Variants in LRRFIP1 observed in about 807,000 individuals in gnomAD.
LRRFIP1 encodes LRR binding FLII interacting protein 1, also known as leucine-rich repeat flightless-interacting protein 1.
Under a neutral mutation model 104.4 loss-of-function variants are expected in LRRFIP1, and 62 were observed. The observed-to-expected ratio is 0.59, with a 90% CI of 0.48 to 0.73. The LOEUF (loss-of-function observed/expected upper bound fraction) is 0.73. Ranked by LOEUF, LRRFIP1 falls within the 30% of genes least tolerant of loss-of-function variation. LRRFIP1 has a pLI of 0.00. For synonymous variants in LRRFIP1, 300 were observed against 299.0 expected (o/e 1.00, Z -0.03); for missense variants, 796 against 824.5 (o/e 0.97, Z 0.42).
chr2:237,762,693 CAGAG>C, intron 19 of LRRFIP1: 2 of 1,614,180 alleles, frequency 1.2e-6, no homozygotes, highest in Non-Finnish European at 1.7e-6. Context: ...GAACAACACA[CAGAG>C]GACACAGTGA....
chr2:237,713,789 G>C (rs867838189), intron 2 of LRRFIP1, among the ~76,000 whole-genome samples: 9 of 152,168 alleles, frequency 5.9e-5, no homozygotes, highest in Admixed American at 2.6e-4. Context: ...ACTCCATTTA[G>C]CTGGAATTTT....
intron 22 of LRRFIP1, among the ~76,000 whole-genome samples, chr2:237,773,208 C>T (rs560055460): frequency 3.9e-5 from 6 of 152,136 alleles, no homozygotes; most frequent in Admixed American, 6.5e-5. Flanking sequence ...GCTAATGTGG[C>T]TTGGGAGTGT....
At chr2:237,632,315 T>G (rs2082492086) in intron 1 of LRRFIP1, among the ~76,000 whole-genome samples, 1 of 152,206 alleles carries the variant, frequency 6.6e-6, no homozygotes. Context: ...CAGGCTTGTT[T>G]CAAGATGCAA....
chr2:237,767,194 GAAAA>G (rs1324056854), intron 19 of LRRFIP1, among the ~76,000 whole-genome samples: 1 of 151,876 alleles, frequency 6.6e-6, no homozygotes, highest in Non-Finnish European at 1.5e-5. Flanking sequence ...AGAAAGAAAA[GAAAA>G]AGAAAGTTGA....
intron 1 of LRRFIP1, among the ~76,000 whole-genome samples, chr2:237,630,429 C>T (rs947350615): frequency 7.9e-5 from 12 of 152,126 alleles, no homozygotes; most frequent in African/African-American, 2.9e-4. Context: ...GACCTGCCTG[C>T]CCTCCAGGAG....
At chr2:237,709,855 ATT>A (rs112212389) in intron 2 of LRRFIP1, among the ~76,000 whole-genome samples, 8 of 144,600 alleles carry the variant, frequency 5.5e-5, no homozygotes, top group South Asian at 4.4e-4. Flanking sequence ...TATATGTATA[ATT>A]TTTTTTTTTT....
intron 1 of LRRFIP1, among the ~76,000 whole-genome samples, chr2:237,704,461 C>T (rs962797720): frequency 2.0e-5 from 3 of 152,132 alleles, no homozygotes; most frequent in African/African-American, 7.2e-5. Flanking sequence ...GCCAACTCTA[C>T]GGATTTTCTC....
rs777027844 is a variant in LRRFIP1, at chr2:237,703,661, G to T, written c.97-4883G>T. ...GGGTTGGGTCAAGTTCTCCAGAGCA[G>T]CCCCCGCCCCTGCCACACGTTTCTT... On this transcript the variant is annotated intron_variant, in intron 1 of 23. Transcript: ENST00000308482. This position sits in a 1 kb window ranked among gnomAD's most constrained non-coding sequence, Gnocchi z 4.3. 3.3e-5 allele frequency among the ~76,000 whole-genome samples: 5 copies of T among 151,880 alleles called. No homozygotes were observed. Among genetic ancestry groups the T allele is most frequent in the African/African-American group, 1.2e-4 (5 of 41,274 alleles).
intron 1 of LRRFIP1, among the ~76,000 whole-genome samples, chr2:237,641,298 G>A (rs1396659133): frequency 6.6e-6 from 1 of 151,710 alleles, no homozygotes; most frequent in East Asian, 1.9e-4. Context: ...AGTCACCTGA[G>A]GTTAGGAGTT....
intron 16 of LRRFIP1, 60 bp from the exon 17 acceptor site, chr2:237,757,396 G>A: frequency 8.9e-7 from 1 of 1,127,326 alleles, no homozygotes. Context: ...TTCTCTCTCG[G>A]GCTGGGGTTT....
intron 6 of LRRFIP1, chr2:237,721,287 C>T (rs112250859): frequency 0.02 from 3,258 of 160,478 alleles, 58 homozygotes; most frequent in Middle Eastern, 0.033. Context: ...CTGCTGAAAA[C>T]CTGGACCAGG....
chr2:237,678,342 G>A (rs992261892), intron 1 of LRRFIP1, among the ~76,000 whole-genome samples: 3 of 152,160 alleles, frequency 2.0e-5, no homozygotes, highest in Non-Finnish European at 4.4e-5. Context: ...CCTGCAGCAG[G>A]GGGTACACAG....
Position 237,757,566 on chromosome 2 carries a change from T to G in LRRFIP1, c.1224+18T>G, listed in dbSNP as rs904096244. 6.5e-7 allele frequency: 1 copy of G among 1,535,186 alleles called. No individual in the cohort carries two copies. The highest frequency in any genetic ancestry group is 8.9e-7 in the Non-Finnish European group (1 of 1,128,758). On this transcript the variant is annotated intron_variant, in intron 17 of 23. Coordinates refer to ENST00000308482, the MANE Select transcript of LRRFIP1 (RefSeq NM_001137550.2). ...AGATAGGGGTAGGATTCCCAAGTCT[T>G]GAAAATCTACTCAAATGGGCAGCCT... is the stretch of plus-strand genomic sequence containing the variant.
At chr2:237,760,881 C>G (rs1437844304) in intron 19 of LRRFIP1, among the ~76,000 whole-genome samples, 1 of 152,150 alleles carries the variant, frequency 6.6e-6, no homozygotes, top group Non-Finnish European at 1.5e-5. Context: ...TCCAGTAGAT[C>G]AGAGGAATAT....
In LRRFIP1 at chr2:237,735,630, A is replaced by G. The variant is rs1004507066; in HGVS notation, c.555+297A>G. The G allele has an allele frequency of 6.7e-5, 22 of 329,910 alleles. No homozygotes were observed. Among genetic ancestry groups the G allele is most frequent in the Non-Finnish European group, 1.1e-4 (20 of 179,594 alleles). 20.4% of individuals were successfully genotyped at this position (329,910 alleles called of 1,614,324 possible). On this transcript the variant is annotated intron_variant, in intron 10 of 23. Coordinates refer to ENST00000308482, the MANE Select transcript of LRRFIP1 (RefSeq NM_001137550.2). The surrounding 1 kb of genome is among the most constrained non-coding windows in gnomAD (Gnocchi z 4.6). ...ACAGGTGGTGAAACCGTCTTCGGTT[A>G]ATAAAAACGGGAAAAGGACAACTTG...
chr2:237,705,770 G>A (rs1215003086), intron 1 of LRRFIP1, among the ~76,000 whole-genome samples: 2 of 152,174 alleles, frequency 1.3e-5, no homozygotes, highest in Admixed American at 1.3e-4. Context: ...TGGAGTTCAG[G>A]CCCCTCTTCT....
intron 2 of LRRFIP1, among the ~76,000 whole-genome samples, chr2:237,712,294 C>G (rs180974591): frequency 1.3e-5 from 2 of 152,258 alleles, no homozygotes; most frequent in East Asian, 3.9e-4. Context: ...AAAATCAGTT[C>G]TGTACCAACA....
intron 20 of LRRFIP1, among the ~76,000 whole-genome samples, chr2:237,771,319 A>C (rs1395617071): frequency 6.9e-5 from 10 of 144,014 alleles, no homozygotes; most frequent in Non-Finnish European, 1.2e-4. Context: ...AAAAAAAAAA[A>C]ACCCATAAAT....
chr2:237,778,458 C>G (rs990132032), intron 23 of LRRFIP1, among the ~76,000 whole-genome samples: 9 of 152,232 alleles, frequency 5.9e-5, no homozygotes, highest in African/African-American at 2.2e-4. Flanking sequence ...GCCTGACTCT[C>G]AGGCTCCATG....
Sources: gnomAD v4.1 joint callset for allele counts (sites outside exome capture counted in the v4.1 genomes callset) on GRCh38, gnomAD v4.1.1 for gene constraint, Gnocchi (gnomAD v3.1) non-coding constraint, MANE v1.5 for transcripts, NCBI Gene and HGNC (gene_info 2026-07-23, HGNC 2026-07-21) for gene names.